Variants in SGMS2 observed in about 807,000 individuals in gnomAD.
SGMS2 encodes the protein phosphatidylcholine:ceramide cholinephosphotransferase 2.
Under a neutral mutation model 43.8 loss-of-function variants are expected in SGMS2, and 21 were observed. That is an observed-to-expected ratio of 0.48 (90% CI 0.34 to 0.69). SGMS2 has a LOEUF of 0.69. Among genes scored for constraint, SGMS2 ranks in the 30% least tolerant of loss-of-function variants. The pLI is 0.01. For missense variants in SGMS2, 384 were observed against 443.2 expected (o/e 0.87, Z 1.20); for synonymous variants, 167 against 160.6 (o/e 1.04, Z -0.30).
chr4:107,888,882 ATTATT>A (rs1185944020), intron 2 of SGMS2, among the ~76,000 whole-genome samples: 1 of 152,146 alleles, frequency 6.6e-6, no homozygotes, highest in Non-Finnish European at 1.5e-5. Context: ...CATTTACCTA[ATTATT>A]TTAATTGTTT....
chr4:107,866,557 G>C (rs1728138209), intron 2 of SGMS2, among the ~76,000 whole-genome samples: 2 of 150,874 alleles, frequency 1.3e-5, no homozygotes, highest in South Asian at 4.2e-4. Context: ...CAAGAGTGAA[G>C]CTCTGTCTCA....
chr4:107,887,132 T>C (rs1729824040), intron 2 of SGMS2, among the ~76,000 whole-genome samples: 1 of 152,232 alleles, frequency 6.6e-6, no homozygotes, highest in Admixed American at 6.5e-5. Flanking sequence ...TTCTGCTTAA[T>C]ATTCATGAAC....
intron 1 of SGMS2, among the ~76,000 whole-genome samples, chr4:107,854,239 T>C (rs1289456488): frequency 1.3e-5 from 2 of 152,176 alleles, no homozygotes; most frequent in Non-Finnish European, 2.9e-5. Context: ...CCATGTACAA[T>C]ATGGGACTAT....
chr4:107,851,659 C>T (rs1355223115), intron 1 of SGMS2, among the ~76,000 whole-genome samples: 1 of 152,196 alleles, frequency 6.6e-6, no homozygotes, highest in Non-Finnish European at 1.5e-5. Flanking sequence ...AATATCCTCT[C>T]TCCCTAAGCA....
intron 6 of SGMS2, among the ~76,000 whole-genome samples, chr4:107,909,713 A>ACAC (rs1273557233): frequency 6.6e-6 from 1 of 152,180 alleles, no homozygotes; most frequent in Non-Finnish European, 1.5e-5. Context: ...CCTTGGTGTA[A>ACAC]TAGAGTTGGT....
intron 2 of SGMS2, among the ~76,000 whole-genome samples, chr4:107,884,438 A>T (rs1206318773): frequency 6.6e-6 from 1 of 152,210 alleles, no homozygotes; most frequent in East Asian, 1.9e-4. Context: ...ATGAGAGATA[A>T]GATGAAACCT....
At chr4:107,867,955 T>G (rs1728254481) in intron 2 of SGMS2, 1 of 152,192 alleles carries the variant, frequency 6.6e-6, no homozygotes, top group Non-Finnish European at 1.5e-5. Flanking sequence ...TAGTCAAAAT[T>G]TTTAAACACT....
rs1489704906 is a variant in SGMS2 at position 107,826,653 on chromosome 4, G to T, written c.-327+1400G>T. Among the ~76,000 whole-genome samples, 5 of 146,652 alleles carry T rather than the reference G, an allele frequency of 3.4e-5. No homozygotes were observed. In the South Asian group the frequency reaches 1.1e-3, roughly 32 times the overall value. On this transcript the variant is annotated intron_variant, in intron 1 of 6. Transcript: ENST00000690982. ...TACTTCACAATAGTCTGGTTGAAGT[G>T]TTTTTTTTTTTAACAAGTTAATGTT...
intron 1 of SGMS2, among the ~76,000 whole-genome samples, chr4:107,842,638 C>T (rs1726587292): frequency 6.6e-6 from 1 of 152,124 alleles, no homozygotes; most frequent in Non-Finnish European, 1.5e-5. Context: ...AAGGTGTACA[C>T]GACTTAATGA....
intron 1 of SGMS2, among the ~76,000 whole-genome samples, chr4:107,837,344 C>T (rs1216491229): frequency 1.3e-5 from 2 of 152,076 alleles, no homozygotes; most frequent in Non-Finnish European, 2.9e-5. Flanking sequence ...TACCCTAGGA[C>T]AGTCAGGAAA....
intron 1 of SGMS2, among the ~76,000 whole-genome samples, chr4:107,843,168 G>GT (rs911201117): frequency 1.4e-3 from 203 of 142,834 alleles, no homozygotes; most frequent in East Asian, 2.0e-3. Context: ...AGACTCACTG[G>GT]TTTTTTTTTT....
intron 2 of SGMS2, among the ~76,000 whole-genome samples, chr4:107,878,821 C>T (rs765294350): frequency 1.2e-4 from 18 of 152,112 alleles, no homozygotes; most frequent in Non-Finnish European, 2.1e-4. Flanking sequence ...CAGAAAGCCT[C>T]ACAGCTAGGA....
chr4:107,830,064 G>T (rs28373554), intron 1 of SGMS2, among the ~76,000 whole-genome samples: 10,702 of 152,122 alleles, frequency 0.07, 486 homozygotes, highest in African/African-American at 0.11. Context: ...CTGTGTCTGT[G>T]GTTCCCTTCT....
rs924803708 is a variant in SGMS2, at chr4:107,889,304, C to T, written c.-244-6006C>T. On this transcript the variant is annotated intron_variant, in intron 2 of 6. Coordinates refer to ENST00000690982, the MANE Select transcript of SGMS2 (RefSeq NM_001375905.1). ...GTTCATAGTTTTATAACCCCCATGTCAAATTTTGACACCTTATAGTATTTG... is the reference window on the plus strand; with the variant it reads ...GTTCATAGTTTTATAACCCCCATGTTAAATTTTGACACCTTATAGTATTTG... Among the ~76,000 whole-genome samples, 47 of 152,164 alleles carry T rather than the reference C, an allele frequency of 3.1e-4. 3 individuals are homozygous for T.
chr4:107,906,748 C>T (rs1166834221), intron 5 of SGMS2, among the ~76,000 whole-genome samples: 2 of 152,160 alleles, frequency 1.3e-5, no homozygotes, highest in South Asian at 2.1e-4. Context: ...GGTTTCCAGC[C>T]GTTCCTAAAA....
chr4:107,895,529 T>C lies in SGMS2; in HGVS notation c.-25T>C. The C allele has an allele frequency of 1.9e-6, 3 of 1,582,444 alleles. No individual in the cohort carries two copies. The highest frequency in any genetic ancestry group is 2.6e-6 in the Non-Finnish European group (3 of 1,165,004). ...AAAGAACAAGAACTTGACCATCTCC[T>C]TTTTGATCTGAAGACTAGGGGACAA... On this transcript the variant is annotated 5_prime_UTR_variant, in exon 3 of 7. Transcript: ENST00000690982.
intron 2 of SGMS2, among the ~76,000 whole-genome samples, chr4:107,860,974 A>G (rs1242256945): frequency 5.3e-5 from 8 of 152,202 alleles, no homozygotes; most frequent in Admixed American, 5.2e-4. Flanking sequence ...ACTTTCAATT[A>G]TCTAAACATT....
chr4:107,861,974 T>A (rs1236119126), intron 2 of SGMS2, among the ~76,000 whole-genome samples: 1 of 152,228 alleles, frequency 6.6e-6, no homozygotes, highest in Admixed American at 6.5e-5. Context: ...GAGTAACATT[T>A]AAGCACACCC....
intron 2 of SGMS2, among the ~76,000 whole-genome samples, chr4:107,865,752 G>A (rs986161032): frequency 4.6e-5 from 7 of 152,116 alleles, no homozygotes; most frequent in African/African-American, 1.7e-4. Flanking sequence ...TGAATCAGGA[G>A]CTCTTCATTA....
Sources: gnomAD v4.1 joint callset for allele counts (sites outside exome capture counted in the v4.1 genomes callset) on GRCh38, gnomAD v4.1.1 for gene constraint, MANE v1.5 for transcripts, NCBI Gene and HGNC (gene_info 2026-07-23, HGNC 2026-07-21) for gene names.